Variants in USP32 observed in about 807,000 individuals in gnomAD.
USP32 encodes the protein ubiquitin specific peptidase 32.
USP32 carries 59 observed loss-of-function variants against 204.8 expected under a neutral mutation model. The ratio of observed to expected loss-of-function variants is 0.29; its 90% CI spans 0.23 to 0.36. The LOEUF (loss-of-function observed/expected upper bound fraction) is 0.36, where lower values mean the gene tolerates loss of function less well. USP32 is among the 10% of genes least tolerant of loss of function. The pLI is 1.00. For synonymous variants in USP32, 517 were observed against 678.4 expected (o/e 0.76, Z 3.70); for missense variants, 1,160 against 1,946.4 (o/e 0.60, Z 7.60).
chr17:60,350,330 C>A lies in USP32; in HGVS notation c.59-4722G>T, dbSNP rs2088920107. On this transcript the variant is annotated intron_variant, in intron 1 of 33. Coordinates refer to ENST00000300896, the MANE Select transcript of USP32 (RefSeq NM_032582.4). ...TTGAGACTGAGTCTCGCTCTGTAGC[C>A]CAGGCTGGAGTGCAGTGGCATGATC... 4.6e-5 allele frequency among the ~76,000 whole-genome samples: 7 copies of A among 152,064 alleles called. No homozygotes were observed. In the South Asian group the frequency reaches 1.5e-3, roughly 32 times the overall value.
At chr17:60,281,321 G>A (rs906950127) in intron 5 of USP32, among the ~76,000 whole-genome samples, 1 of 152,154 alleles carries the variant, frequency 6.6e-6, no homozygotes, top group African/African-American at 2.4e-5. Context: ...GATGGATCAT[G>A]AGGTCAGGAG....
chr17:60,416,051 A>T (rs1012226205), intron 1 of USP32, among the ~76,000 whole-genome samples: 4 of 151,968 alleles, frequency 2.6e-5, no homozygotes, highest in Admixed American at 2.6e-4. Context: ...TGTTGGCCAG[A>T]ATGGTCTCGA....
chr17:60,392,172 C>G, upstream of USP32: 1 of 551,538 alleles, frequency 1.8e-6, no homozygotes, highest in Non-Finnish European at 3.2e-6. Flanking sequence ...GCCTCCTACT[C>G]CGCCCTTCTC....
chr17:60,220,248 A>G (rs2085210254), intron 15 of USP32, among the ~76,000 whole-genome samples: 2 of 152,176 alleles, frequency 1.3e-5, no homozygotes, highest in African/African-American at 2.4e-5. Flanking sequence ...AATTTACACT[A>G]TTGCCAGTAA....
At chr17:60,303,866 G>A (rs933871827) in intron 2 of USP32, among the ~76,000 whole-genome samples, 1 of 152,014 alleles carries the variant, frequency 6.6e-6, no homozygotes, top group Non-Finnish European at 1.5e-5. Context: ...ACAAAAGGGG[G>A]AAAATGTGAG....
At chr17:60,226,311 T>A (rs112411192) in intron 12 of USP32, 80 bp from the exon 13 acceptor site, 47 of 1,302,560 alleles carry the variant, frequency 3.6e-5, no homozygotes, top group Non-Finnish European at 4.3e-5. Flanking sequence ...AATCTCACAA[T>A]TATCTATTTT....
At chr17:60,289,322 A>T (rs1598201277) in intron 4 of USP32, among the ~76,000 whole-genome samples, 1 of 152,152 alleles carries the variant, frequency 6.6e-6, no homozygotes, top group Admixed American at 6.5e-5. Flanking sequence ...GCATTTCTTT[A>T]AACATTTAAT....
chr17:60,213,746 A>G, intron 17 of USP32, 84 bp from the exon 18 acceptor site: 1 of 1,505,368 alleles, frequency 6.6e-7, no homozygotes, highest in Non-Finnish European at 8.9e-7. Context: ...AACAATTAAA[A>G]AAACAACTTC....
chr17:60,333,473 T>C (rs1220982067), intron 2 of USP32, among the ~76,000 whole-genome samples: 1 of 151,934 alleles, frequency 6.6e-6, no homozygotes, highest in Non-Finnish European at 1.5e-5. Flanking sequence ...GGTGGCATGC[T>C]CCTGTAGTCC....
At chr17:60,326,315 T>TC (rs1388706878) in intron 2 of USP32, among the ~76,000 whole-genome samples, 1 of 151,990 alleles carries the variant, frequency 6.6e-6, no homozygotes, top group African/African-American at 2.4e-5. Flanking sequence ...TTTTCTTTTT[T>TC]TTTTTTCCTT....
intron 27 of USP32, among the ~76,000 whole-genome samples, chr17:60,195,098 T>C (rs2084478446): frequency 6.6e-6 from 1 of 152,242 alleles, no homozygotes; most frequent in Non-Finnish European, 1.5e-5. Context: ...TAGAATCAGG[T>C]GAGAGCTACC....
intron 2 of USP32, among the ~76,000 whole-genome samples, chr17:60,312,868 GC>G: frequency 6.6e-6 from 1 of 152,204 alleles, no homozygotes; most frequent in African/African-American, 2.4e-5. Flanking sequence ...ACAACATAAG[GC>G]CCATGGTATA....
intron 2 of USP32, among the ~76,000 whole-genome samples, chr17:60,343,402 G>A (rs2145997723): frequency 6.6e-6 from 1 of 152,254 alleles, no homozygotes; most frequent in East Asian, 1.9e-4. Flanking sequence ...ATAATTAGAA[G>A]TAAAGCACTC....
At chr17:60,308,403 A>C (rs918721404) in intron 2 of USP32, among the ~76,000 whole-genome samples, 1 of 152,216 alleles carries the variant, frequency 6.6e-6, no homozygotes, top group African/African-American at 2.4e-5. Context: ...GCACTGAAGA[A>C]GGGAGCCACA....
At chr17:60,259,780 T>TA (rs1451858575) in intron 9 of USP32, among the ~76,000 whole-genome samples, 1 of 152,234 alleles carries the variant, frequency 6.6e-6, no homozygotes, top group African/African-American at 2.4e-5. Context: ...TGTCACTCAC[T>TA]AATTCACCAA....
At chr17:60,259,708 C>CT (rs2086406350) in intron 9 of USP32, among the ~76,000 whole-genome samples, 1 of 152,136 alleles carries the variant, frequency 6.6e-6, no homozygotes, top group East Asian at 1.9e-4. Context: ...GGAGGTGTTC[C>CT]TTATAATTTT....
At chr17:60,227,516 C>T (rs1007696278) in intron 12 of USP32, among the ~76,000 whole-genome samples, 9 of 151,536 alleles carry the variant, frequency 5.9e-5, no homozygotes, top group Non-Finnish European at 1.2e-4. Context: ...GTTATCTGCC[C>T]GCCTGGGCCT....
intron 1 of USP32, among the ~76,000 whole-genome samples, chr17:60,403,618 C>T (rs1365252606): frequency 1.3e-5 from 2 of 152,136 alleles, no homozygotes; most frequent in East Asian, 1.9e-4. Context: ...ACTTGAACAC[C>T]TGCTCTTAGT....
At chr17:60,407,901 C>T (rs1184687693) in intron 1 of USP32, among the ~76,000 whole-genome samples, 3 of 151,644 alleles carry the variant, frequency 2.0e-5, no homozygotes, top group Non-Finnish European at 4.4e-5. Flanking sequence ...AGTTCGAGAC[C>T]AGCCTGGCCA....
Sources: allele counts gnomAD v4.1 joint callset (sites outside exome capture counted in the v4.1 genomes callset), GRCh38; gene constraint gnomAD v4.1.1; transcripts MANE v1.5; gene names NCBI Gene and HGNC (gene_info 2026-07-23, HGNC 2026-07-21).